Variants in FAM47E observed in about 807,000 individuals in gnomAD.
FAM47E encodes the protein protein FAM47E.
A neutral mutation model predicts 41.6 loss-of-function variants in FAM47E; 32 were observed. The observed-to-expected ratio is 0.77, with a 90% CI of 0.58 to 1.03. The LOEUF (loss-of-function observed/expected upper bound fraction) is 1.03, where lower values mean the gene tolerates loss of function less well. Among genes scored for constraint, FAM47E ranks in the 50% least tolerant of loss-of-function variants. FAM47E has a pLI of 0.00. For missense variants in FAM47E, 424 were observed against 485.4 expected (o/e 0.87, Z 1.19); for synonymous variants, 184 against 188.7 (o/e 0.98, Z 0.20).
chr4:76,239,110 T>C (rs1480321886), intron 2 of FAM47E, among the ~76,000 whole-genome samples: 1 of 152,254 alleles, frequency 6.6e-6, no homozygotes, highest in Non-Finnish European at 1.5e-5. Context: ...TTGTATGTGT[T>C]TACCACATTT....
chr4:76,283,082 G>A (rs985336861), intron 7 of FAM47E: 2 of 230,996 alleles, frequency 8.7e-6, no homozygotes, highest in Admixed American at 1.0e-4. Flanking sequence ...TCTGCTGCAC[G>A]GATGGATCCC....
chr4:76,216,632 A>G (rs1733212318), intron 1 of FAM47E, among the ~76,000 whole-genome samples: 1 of 152,194 alleles, frequency 6.6e-6, no homozygotes, highest in African/African-American at 2.4e-5. Flanking sequence ...GAGTTTCTAA[A>G]CAAGGGTTTA....
intron 2 of FAM47E, among the ~76,000 whole-genome samples, chr4:76,220,490 G>A (rs1020299736): frequency 1.3e-5 from 2 of 152,086 alleles, no homozygotes; most frequent in East Asian, 1.9e-4. Flanking sequence ...AGATGGGCAC[G>A]GTGGCATGCA....
chr4:76,262,609 G>A (rs560976427), intron 2 of FAM47E, among the ~76,000 whole-genome samples: 1 of 152,274 alleles, frequency 6.6e-6, no homozygotes, highest in South Asian at 2.1e-4. Context: ...CTAACTTTGT[G>A]TGTAAGCATT....
chr4:76,227,339 G>A (rs1195026137), intron 2 of FAM47E, among the ~76,000 whole-genome samples: 1 of 152,086 alleles, frequency 6.6e-6, no homozygotes, highest in African/African-American at 2.4e-5. Flanking sequence ...TCCATTATTT[G>A]TACAGTTTTG....
chr4:76,224,676 G>C (rs1252229021), intron 2 of FAM47E, among the ~76,000 whole-genome samples: 1 of 152,078 alleles, frequency 6.6e-6, no homozygotes, highest in Admixed American at 6.6e-5. Context: ...AATTCTCCCA[G>C]GTCAGTCTTC....
intron 1 of FAM47E, among the ~76,000 whole-genome samples, chr4:76,253,059 C>G (rs960980337): frequency 3.9e-5 from 6 of 152,180 alleles, no homozygotes; most frequent in African/African-American, 1.4e-4. Context: ...CCTTGTCAAT[C>G]GCTAAGCTGC....
At chr4:76,260,284 G>A (rs6814195) in intron 2 of FAM47E, among the ~76,000 whole-genome samples, 85,573 of 151,900 alleles carry the variant, frequency 0.56, 24,723 homozygotes, top group Middle Eastern at 0.65. Flanking sequence ...GAACAAAGCT[G>A]GGGTCATCAT....
intron 2 of FAM47E, among the ~76,000 whole-genome samples, chr4:76,232,976 T>C (rs1051093081): frequency 1.3e-5 from 2 of 152,220 alleles, no homozygotes; most frequent in African/African-American, 4.8e-5. Flanking sequence ...TTAATTTCCA[T>C]AATTCTTGCA....
intron 5 of FAM47E, among the ~76,000 whole-genome samples, chr4:76,274,120 T>C (rs2110022621): frequency 6.6e-6 from 1 of 152,348 alleles, no homozygotes; most frequent in Admixed American, 6.5e-5. Context: ...CATACTTTCC[T>C]GAATCTCTGT....
At chr4:76,219,815 G>A (rs938994999) in intron 2 of FAM47E, among the ~76,000 whole-genome samples, 2 of 152,080 alleles carry the variant, frequency 1.3e-5, no homozygotes, top group African/African-American at 2.4e-5. Flanking sequence ...GTCCCCGCAT[G>A]ACTTCTAACC....
intron 2 of FAM47E, among the ~76,000 whole-genome samples, chr4:76,226,309 G>A (rs1038265670): frequency 1.3e-4 from 20 of 152,188 alleles, no homozygotes; most frequent in Non-Finnish European, 2.5e-4. Context: ...TAGAAAGGCA[G>A]TGGTGCATCA....
chr4:76,255,537 C>G (rs1195088700), intron 1 of FAM47E, among the ~76,000 whole-genome samples: 2 of 152,112 alleles, frequency 1.3e-5, no homozygotes, highest in Admixed American at 6.5e-5. Context: ...AGGGGGAACC[C>G]ACAGAGGTTA....
At chr4:76,274,898 C>T (rs541165636) in intron 5 of FAM47E, among the ~76,000 whole-genome samples, 2 of 152,244 alleles carry the variant, frequency 1.3e-5, no homozygotes, top group Non-Finnish European at 2.9e-5. Context: ...CTTGATCTGT[C>T]TGGACTCTCG....
chr4:76,216,756 ATC>A (rs1392400352), intron 1 of FAM47E, among the ~76,000 whole-genome samples: 3 of 152,170 alleles, frequency 2.0e-5, no homozygotes, highest in Non-Finnish European at 2.9e-5. Context: ...CCGAATGAAA[ATC>A]TCTTTCTTGG....
At chr4:76,248,503 G>A (rs955060428), upstream of FAM47E, among the ~76,000 whole-genome samples, 2 of 152,054 alleles carry the variant, frequency 1.3e-5, no homozygotes, top group Non-Finnish European at 2.9e-5. Flanking sequence ...ACTTAGGGTA[G>A]GGATCTTGTC....
intron 5 of FAM47E, among the ~76,000 whole-genome samples, chr4:76,274,467 G>T (rs1242702636): frequency 3.3e-5 from 5 of 152,142 alleles, no homozygotes; most frequent in Admixed American, 3.3e-4. Context: ...TGTAGTCCCA[G>T]CTACTTGGGA....
rs1047984751 is a variant in FAM47E, at chr4:76,265,458, T to C, written c.560+1615T>C. On this transcript the variant is annotated intron_variant, in intron 3 of 7. Transcript: ENST00000424749. ...ACTGTCTTTGCTCTCTGTATTGTTT[T>C]TGAAGTTGCTCAGAACTTGGGTGAG... Among the ~76,000 whole-genome samples, 7 of 152,228 alleles carry C rather than the reference T, an allele frequency of 4.6e-5. No individual in the cohort carries two copies. In the East Asian group the frequency reaches 1.2e-3, roughly 25 times the overall value.
upstream of FAM47E, among the ~76,000 whole-genome samples, chr4:76,251,450 T>C (rs1210428213): frequency 3.3e-5 from 5 of 152,140 alleles, no homozygotes; most frequent in Non-Finnish European, 1.5e-5. Flanking sequence ...TTTGAAACGA[T>C]GATGAGCAAA....
Sources: allele counts gnomAD v4.1 joint callset (sites outside exome capture counted in the v4.1 genomes callset), GRCh38; gene constraint gnomAD v4.1.1; transcripts MANE v1.5; gene names NCBI Gene and HGNC (gene_info 2026-07-23, HGNC 2026-07-21).